Variants in CERK observed in about 807,000 individuals in gnomAD.
The protein encoded by CERK is ceramide kinase, also known as acylsphingosine kinase.
Under a neutral mutation model 63.4 loss-of-function variants are expected in CERK, and 39 were observed. The ratio of observed to expected loss-of-function variants is 0.61; its 90% CI spans 0.48 to 0.80. The LOEUF (loss-of-function observed/expected upper bound fraction) is 0.80. Ranked by LOEUF, CERK falls within the 30% of genes least tolerant of loss-of-function variation. CERK has a pLI of 0.00. For missense variants in CERK, 670 were observed against 714.1 expected (o/e 0.94, Z 0.70); for synonymous variants, 302 against 280.0 (o/e 1.08, Z -0.78).
At chr22:46,713,669 C>A (rs1405044886) in intron 3 of CERK, among the ~76,000 whole-genome samples, 1 of 151,346 alleles carries the variant, frequency 6.6e-6, no homozygotes, top group Non-Finnish European at 1.5e-5. Flanking sequence ...ATCCTTCAGT[C>A]ATGAAATAAG....
intron 1 of CERK, among the ~76,000 whole-genome samples, chr22:46,736,187 C>T (rs1423788621): frequency 6.6e-6 from 1 of 152,272 alleles, no homozygotes; most frequent in Non-Finnish European, 1.5e-5. Flanking sequence ...AAGAGGCAAA[C>T]CCCAGCAGGC....
chr22:46,726,622 G>A (rs951543179), intron 1 of CERK, among the ~76,000 whole-genome samples: 1 of 152,208 alleles, frequency 6.6e-6, no homozygotes, highest in African/African-American at 2.4e-5. Context: ...GTAAACATGA[G>A]CTGTGTGAAC....
chr22:46,690,027 G>A lies in CERK; in HGVS notation c.1506C>T (p.Asp502=), dbSNP rs35318967. 0.051 allele frequency: 82,080 copies of A among 1,611,222 alleles called. 4,163 individuals are homozygous for A. The highest frequency in any genetic ancestry group is 0.25 in the East Asian group (11,225 of 44,814). The change falls in exon 12 of 13, where the codon GAC becomes GAT. Residue 502 remains aspartate (D), a synonymous_variant. Coordinates refer to ENST00000216264, the MANE Select transcript of CERK (RefSeq NM_022766.6). ...CTVSNSSWNC[D]GEVLHSPAIE... ...TGGCAGGGCTGTGCAGGACCTCCCC[G>A]TCGCAGTTCCAGGAGCTGTTGGAGA...
chr22:46,708,407 C>T (rs940366178), intron 5 of CERK, among the ~76,000 whole-genome samples: 7 of 152,258 alleles, frequency 4.6e-5, no homozygotes, highest in African/African-American at 9.6e-5. Context: ...CAGCAGTCTG[C>T]GCGGGGACGT....
rs1168500746 is a variant in CERK, at chr22:46,720,187, C to T, written c.278G>A (p.Arg93Gln). ...CTGCGCCCACTTCCAGCGGTGCCGT[C>T]GTGCTCTCTTTACACAGTGAACTGC... ...AFTVHCVKRA[R>Q]RHRWKWAQVT... The change falls in exon 3 of 13, where the codon CGA becomes CAA. Residue 93 changes from arginine (R) to glutamine (Q), a missense_variant. By Grantham distance (43) the Arg-to-Gln change is conservative. Coordinates refer to ENST00000216264, the MANE Select transcript of CERK (RefSeq NM_022766.6). The T allele has an allele frequency of 1.9e-6, 3 of 1,613,810 alleles. No homozygotes were observed. Among genetic ancestry groups the T allele is most frequent in the East Asian group, 2.2e-5 (1 of 44,890 alleles).
Position 46,738,118 on chromosome 22 carries a change from G to A in CERK, c.31C>T (p.Gln11Ter). Residue 11 changes from glutamine (Q) to a stop codon, truncating the protein, a stop_gained, in exon 1 of 13, where the codon CAA becomes TAA. Transcript: ENST00000216264. LOFTEE classifies it high-confidence loss of function. Reference sequence around the variant, plus strand: ...TGCTGCTTCACCCACAGCACGGATTGCAGCGGCTCCGCCGCCCCCGTCGCC... The same window carrying A: ...TGCTGCTTCACCCACAGCACGGATTACAGCGGCTCCGCCGCCCCCGTCGCC... The part of the protein sequence containing the change: MGATGAAEPL[Q>*]SVLWVKQQRC... 2 of 1,250,796 alleles carry A rather than the reference G, an allele frequency of 1.6e-6. No individual in the cohort carries two copies. Among genetic ancestry groups the A allele is most frequent in the Non-Finnish European group, 2.0e-6 (2 of 989,738 alleles). 77.5% of individuals were successfully genotyped at this position (1,250,796 alleles called of 1,614,324 possible). A position where few individuals can be genotyped will look rare whatever the true frequency, so the allele number is the denominator to read the frequency against.
intron 12 of CERK, among the ~76,000 whole-genome samples, chr22:46,688,986 C>G (rs1484447635): frequency 2.0e-5 from 3 of 152,266 alleles, no homozygotes; most frequent in Non-Finnish European, 4.4e-5. Context: ...TTTCTTTGCA[C>G]TCAGATTCCA....
chr22:46,727,313 T>A (rs1309423512), intron 1 of CERK, among the ~76,000 whole-genome samples: 1 of 152,042 alleles, frequency 6.6e-6, no homozygotes, highest in African/African-American at 2.4e-5. Flanking sequence ...CAGGTCTCAC[T>A]GTGTCACCCA....
intron 6 of CERK, among the ~76,000 whole-genome samples, chr22:46,702,701 T>C (rs1041873578): frequency 1.3e-5 from 2 of 152,262 alleles, no homozygotes; most frequent in African/African-American, 4.8e-5. Context: ...TTCAGCCCGA[T>C]GTTCCCCGTG....
At chr22:46,701,565 C>G in intron 7 of CERK, 71 bp downstream of exon 7, 1 of 1,323,668 alleles carries the variant, frequency 7.6e-7, no homozygotes, top group South Asian at 1.3e-5. Context: ...CGACGGGGAC[C>G]AGAGTGGGAC....
At chr22:46,734,067 C>CATAT (rs59207182) in intron 1 of CERK, among the ~76,000 whole-genome samples, 3,667 of 145,352 alleles carry the variant, frequency 0.025, 109 homozygotes, top group African/African-American at 0.075. Context: ...TACATACATA[C>CATAT]ATATATATAT....
chr22:46,722,984 C>A (rs150654808), intron 1 of CERK, among the ~76,000 whole-genome samples: 8 of 152,218 alleles, frequency 5.3e-5, no homozygotes, highest in Non-Finnish European at 8.8e-5. Context: ...AAAGGGCGAG[C>A]GGCTGCGAGA....
At chr22:46,699,195 G>T in intron 8 of CERK, 118 bp downstream of exon 8, 1 of 1,047,516 alleles carries the variant, frequency 9.5e-7, no homozygotes, top group Non-Finnish European at 1.5e-6. Context: ...TTAGCTTCCC[G>T]TCTGTGAGCA....
intron 1 of CERK, among the ~76,000 whole-genome samples, chr22:46,729,129 G>A (rs1039380592): frequency 1.3e-5 from 2 of 152,220 alleles, no homozygotes; most frequent in Non-Finnish European, 2.9e-5. Context: ...TTGGGAGGCT[G>A]AAGCGGGAGG....
chr22:46,723,772 G>C (rs568232594), intron 1 of CERK, among the ~76,000 whole-genome samples: 9 of 150,686 alleles, frequency 6.0e-5, no homozygotes, highest in African/African-American at 2.2e-4. Flanking sequence ...ATCTTGGCTC[G>C]CTGCAACCTC....
chr22:46,695,971 G>A (rs779911701), intron 8 of CERK, among the ~76,000 whole-genome samples: 2 of 152,224 alleles, frequency 1.3e-5, no homozygotes, highest in African/African-American at 4.8e-5. Context: ...GCCGTGTCCT[G>A]TGAGTCTCAG....
Position 46,728,652 on chromosome 22 carries a change from G to A in CERK, c.143-7637C>T, listed in dbSNP as rs187730507. 1.8e-3 allele frequency among the ~76,000 whole-genome samples: 277 copies of A among 152,302 alleles called. 2 individuals are homozygous for A. The highest frequency in any genetic ancestry group is 6.4e-3 in the African/African-American group (265 of 41,558). ...GCCCGACCGCCTGTCTCTCCCACCC[G>A]CTATGACTGATAGCTCTGGACAAGA... is the stretch of plus-strand genomic sequence containing the variant. On this transcript the variant is annotated intron_variant, in intron 1 of 12. Coordinates refer to ENST00000216264, the MANE Select transcript of CERK (RefSeq NM_022766.6).
chr22:46,696,708 C>G (rs2082758231), intron 8 of CERK, among the ~76,000 whole-genome samples: 1 of 152,266 alleles, frequency 6.6e-6, no homozygotes, highest in Non-Finnish European at 1.5e-5. Context: ...ACCCGCTTTC[C>G]TGAGAGCATC....
At chr22:46,716,940 C>CAA (rs61597066) in intron 3 of CERK, among the ~76,000 whole-genome samples, 12 of 138,996 alleles carry the variant, frequency 8.6e-5, no homozygotes, top group African/African-American at 3.1e-4. Flanking sequence ...GTCCCCCCAC[C>CAA]AAAAAAAAAA....
Sources: gnomAD v4.1 joint callset for allele counts (sites outside exome capture counted in the v4.1 genomes callset) on GRCh38, gnomAD v4.1.1 for gene constraint, MANE v1.5 for transcripts, NCBI Gene and HGNC (gene_info 2026-07-23, HGNC 2026-07-21) for gene names.